LRP1: variants seen among roughly 807,000 people sequenced by gnomAD.
The protein encoded by LRP1 is prolow-density lipoprotein receptor-related protein 1.
In LRP1, 51 loss-of-function variants were observed where a neutral mutation model predicts 541.5. That is an observed-to-expected ratio of 0.09 (90% CI 0.08 to 0.12). The LOEUF (loss-of-function observed/expected upper bound fraction) is 0.12, where lower values mean the gene tolerates loss of function less well. LRP1 is among the 10% of genes least tolerant of loss of function. The probability of loss-of-function intolerance (pLI) is 1.00; values close to 1 mark genes in which losing one functional copy is unlikely to be tolerated. For synonymous variants in LRP1, 2,219 were observed against 2,470.8 expected (o/e 0.90, Z 3.02); for missense variants, 3,878 against 6,376.2 (o/e 0.61, Z 13.34).
intron 6 of LRP1, chr12:57,149,606 G>T (rs779925500): frequency 4.3e-6 from 3 of 703,704 alleles, no homozygotes; most frequent in Non-Finnish European, 5.2e-6. Context: ...CTGGGATCTA[G>T]GTCGAAATGC....
At chr12:57,191,967 C>CCA (rs1565744225) in intron 44 of LRP1, among the ~76,000 whole-genome samples, 1 of 142,994 alleles carries the variant, frequency 7.0e-6, no homozygotes, top group Non-Finnish European at 1.5e-5. Flanking sequence ...CATACACACA[C>CCA]CACACATGAC....
intron 34 of LRP1, among the ~76,000 whole-genome samples, chr12:57,182,599 C>T (rs953510197): frequency 4.6e-5 from 7 of 151,460 alleles, no homozygotes; most frequent in Admixed American, 6.6e-5. Context: ...GGCGGATTAC[C>T]TTGAGGCCGG....
Position 57,177,150 on chromosome 12 carries a change from G to A in LRP1, c.4101G>A (p.Gln1367=). ...NIYWVESNLD[Q]IEVAKLDGTL... ...ACTGGGTGGAGAGTAACCTGGATCAGATCGAGGTGGCCAAGCTGGATGGGA... is the reference window on the plus strand; with the variant it reads ...ACTGGGTGGAGAGTAACCTGGATCAAATCGAGGTGGCCAAGCTGGATGGGA... The change falls in exon 25 of 89, where the codon CAG becomes CAA. Residue 1367 remains glutamine, a synonymous_variant. Coordinates refer to ENST00000243077, the MANE Select transcript of LRP1 (RefSeq NM_002332.3). The surrounding 1 kb of genome is among the most constrained non-coding windows in gnomAD (Gnocchi z 6.8). The A allele has an allele frequency of 6.2e-7, 1 of 1,614,194 alleles. No individual in the cohort carries two copies. Among genetic ancestry groups the A allele is most frequent in the Non-Finnish European group, 8.5e-7 (1 of 1,180,034 alleles).
In LRP1 at chr12:57,183,133, G is replaced by C. The variant is rs2036199615; in HGVS notation, c.5663-246G>C. Among the ~76,000 whole-genome samples, 1 of 152,086 alleles carries C rather than the reference G, an allele frequency of 6.6e-6. No individual in the cohort carries two copies. The highest frequency in any genetic ancestry group is 1.5e-5 in the Non-Finnish European group (1 of 67,998). On this transcript the variant is annotated intron_variant, in intron 34 of 88. Coordinates refer to ENST00000243077, the MANE Select transcript of LRP1 (RefSeq NM_002332.3). This position sits in a 1 kb window ranked among gnomAD's most constrained non-coding sequence, Gnocchi z 6.1. The stretch of plus-strand genomic sequence containing the variant: ...GCAGAGCACAGGGTGAGAAATCCGA[G>C]TCTCTGCTGCCCTCTCATGGTGGCT...
At chr12:57,208,291 C>A in intron 77 of LRP1, 75 bp downstream of exon 77, 1 of 1,470,264 alleles carries the variant, frequency 6.8e-7, no homozygotes, top group Non-Finnish European at 9.3e-7. Flanking sequence ...GGGCTGCACC[C>A]ACATGCGTGC....
chr12:57,167,371 G>A, intron 18 of LRP1, 73 bp from the exon 19 acceptor site: 1 of 1,122,056 alleles, frequency 8.9e-7, no homozygotes, highest in South Asian at 1.2e-5. Context: ...GAGGGCCGCT[G>A]CACTCACCTG....
chr12:57,194,312 C>A (rs779062672), intron 48 of LRP1, 42 bp from the exon 49 acceptor site: 180 of 1,503,990 alleles, frequency 1.2e-4, no homozygotes, highest in Non-Finnish European at 1.5e-4. Flanking sequence ...CGGGGGTGAT[C>A]CAGGGGGAAC....
chr12:57,131,958 C>T (rs1313560263), intron 1 of LRP1: 1 of 152,464 alleles, frequency 6.6e-6, no homozygotes, highest in Non-Finnish European at 1.5e-5. Flanking sequence ...AACCCCCAAG[C>T]CTAGGTTTAT....
intron 13 of LRP1, among the ~76,000 whole-genome samples, chr12:57,161,409 G>A (rs1464584319): frequency 6.6e-6 from 1 of 152,152 alleles, no homozygotes; most frequent in Admixed American, 6.5e-5. Context: ...TACACACCAT[G>A]TGCGCCTCCT....
rs2036917516 is a variant in LRP1 at position 57,211,580 on chromosome 12, T to C, written c.13185T>C (p.Pro4395=). 1.2e-6 allele frequency: 2 copies of C among 1,614,014 alleles called. No homozygotes were observed. Among genetic ancestry groups the C allele is most frequent in the Non-Finnish European group, 1.7e-6 (2 of 1,179,980 alleles). The change falls in exon 85 of 89, where the codon CCT becomes CCC. Residue 4395 remains proline (P), a synonymous_variant. Coordinates refer to ENST00000243077, the MANE Select transcript of LRP1 (RefSeq NM_002332.3). This position sits in a 1 kb window ranked among gnomAD's most constrained non-coding sequence, Gnocchi z 4.3. ...GTACCATGAACAGCAAAATGATGCC[T>C]GAGTGCCAGTGAGTTGGGCCCGGGC... is the stretch of plus-strand genomic sequence containing the variant. ...GSCTMNSKMM[P]ECQCPPHMTG...
At chr12:57,169,435 A>G in intron 20 of LRP1, 128 bp downstream of exon 20, 1 of 902,672 alleles carries the variant, frequency 1.1e-6, no homozygotes, top group East Asian at 2.7e-5. Context: ...TAGCCTAGGC[A>G]TGGCTCTTGT....
rs192247000 is a variant in LRP1, at chr12:57,187,950, C to T, written c.7031+494C>T. Among the ~76,000 whole-genome samples, 30 of 152,244 alleles carry T rather than the reference C, an allele frequency of 2.0e-4. No homozygotes were observed. The South Asian group carries it at 2.1e-3, about 11-fold the overall frequency. ...ATGAAGGCAGTAGATTGGCCCAGAGCCTGGAACTGGAAAAGACAAGGAAGG... is the reference window on the plus strand; with the variant it reads ...ATGAAGGCAGTAGATTGGCCCAGAGTCTGGAACTGGAAAAGACAAGGAAGG... On this transcript the variant is annotated intron_variant, in intron 42 of 88. Coordinates refer to ENST00000243077, the MANE Select transcript of LRP1 (RefSeq NM_002332.3).
In LRP1 at chr12:57,184,533, G is replaced by A. The variant is rs2036230614; in HGVS notation, c.6186+81G>A. The stretch of plus-strand genomic sequence containing the variant: ...GTTCCCTGTGATGAGCCCATTCTGG[G>A]AGGACTTGGAGCCCAGGGGAAGTCA... On this transcript the variant is annotated intron_variant, in intron 38 of 88. Coordinates refer to ENST00000243077, the MANE Select transcript of LRP1 (RefSeq NM_002332.3). The surrounding 1 kb of genome is among the most constrained non-coding windows in gnomAD (Gnocchi z 7.8). 10 of 1,570,306 alleles carry A rather than the reference G, an allele frequency of 6.4e-6. No homozygotes were observed. Among genetic ancestry groups the A allele is most frequent in the Middle Eastern group, 2.1e-4 (1 of 4,730 alleles).
chr12:57,173,741 T>G lies in LRP1; in HGVS notation c.3347-39T>G. 6.3e-7 allele frequency: 1 copy of G among 1,590,474 alleles called. No homozygotes were observed. Among genetic ancestry groups the G allele is most frequent in the Non-Finnish European group, 8.6e-7 (1 of 1,158,462 alleles). On this transcript the variant is annotated intron_variant, in intron 21 of 88. Transcript: ENST00000243077. This position sits in a 1 kb window ranked among gnomAD's most constrained non-coding sequence, Gnocchi z 4.7. ...GAAGGAAGGGCAGGGGGAGCCCCAG[T>G]CCCCGGGCCTGGGCCCTCATAGTGC...
rs141274316 is a variant in LRP1 at position 57,162,438 on chromosome 12, C to A, written c.2324C>A (p.Ala775Glu). 6.2e-7 allele frequency: 1 copy of A among 1,614,118 alleles called. No homozygotes were observed. Among genetic ancestry groups the A allele is most frequent in the Non-Finnish European group, 8.5e-7 (1 of 1,180,006 alleles). ...CGCTTGGAACGGGGTGTAGGAGGCGCACCCCCCACTGTGACCCTTCTGCGC... is the reference window on the plus strand; with the variant it reads ...CGCTTGGAACGGGGTGTAGGAGGCGAACCCCCCACTGTGACCCTTCTGCGC... ...VYRLERGVGG[A>E]PPTVTLLRSE... is the part of the protein sequence containing the mutation. The change falls in exon 14 of 89, where the codon GCA becomes GAA. Residue 775 changes from alanine (A) to glutamate (E), a missense_variant. Ala to Glu is a moderately radical substitution (Grantham distance 107). This residue lies in a region of LRP1 where 496 missense variants were observed against 861.0 expected (regional missense o/e 0.58). Coordinates refer to ENST00000243077, the MANE Select transcript of LRP1 (RefSeq NM_002332.3). This position sits in a 1 kb window ranked among gnomAD's most constrained non-coding sequence, Gnocchi z 5.2.
chr12:57,204,894 G>A lies in LRP1; in HGVS notation c.11194+145G>A. 2 of 1,402,766 alleles carry A rather than the reference G, an allele frequency of 1.4e-6. No homozygotes were observed. Among genetic ancestry groups the A allele is most frequent in the Non-Finnish European group, 1.9e-6 (2 of 1,041,932 alleles). The allele number at this position is 1,402,766 out of a possible 1,614,324, so 86.9% of individuals were successfully genotyped here. A position where few individuals can be genotyped will look rare whatever the true frequency, so the allele number is the denominator to read the frequency against. On this transcript the variant is annotated intron_variant, in intron 72 of 88. Transcript: ENST00000243077. This position sits in a 1 kb window ranked among gnomAD's most constrained non-coding sequence, Gnocchi z 5.3. ...GAGGATCCATTGCTAGGAGCCTGGG[G>A]GCTTTTCGTTAGGAAAGAGAAGCCC...
At chr12:57,176,362 C>T (rs573489351) in intron 24 of LRP1, among the ~76,000 whole-genome samples, 1 of 152,364 alleles carries the variant, frequency 6.6e-6, no homozygotes, top group African/African-American at 2.4e-5. Context: ...CTCCCCAGAT[C>T]TAGAATTGCA....
At position 57,212,432 on chromosome 12, in the gene LRP1, C is replaced by T; in HGVS notation, c.13512C>T (p.Asn4504=). The change falls in exon 89 of 89, where the codon AAC becomes AAT. Residue 4504 remains asparagine (N), a synonymous_variant. Transcript: ENST00000243077. This position sits in a 1 kb window ranked among gnomAD's most constrained non-coding sequence, Gnocchi z 5.0. The part of the protein sequence containing the change: ...LDPDKPTNFT[N]PVYATLYMGG... ...CCCTGCAGCCCACCAACTTCACCAA[C>T]CCCGTGTATGCCACACTCTACATGG... 1.9e-6 allele frequency: 3 copies of T among 1,614,142 alleles called. No homozygotes were observed. Among genetic ancestry groups the T allele is most frequent in the South Asian group, 2.2e-5 (2 of 91,088 alleles).
chr12:57,157,215 C>T (rs781238740), intron 10 of LRP1, among the ~76,000 whole-genome samples: 7 of 152,198 alleles, frequency 4.6e-5, no homozygotes, highest in Admixed American at 2.0e-4. Context: ...GATTAAGCAG[C>T]GAACGAGATA....
Sources: allele counts gnomAD v4.1 joint callset (sites outside exome capture counted in the v4.1 genomes callset), GRCh38; gene constraint gnomAD v4.1.1; regional missense constraint gnomAD v4.1.1; non-coding constraint Gnocchi (gnomAD v3.1); transcripts MANE v1.5; gene names NCBI Gene and HGNC (gene_info 2026-07-23, HGNC 2026-07-21).